Variants in KCNK2 observed in about 807,000 individuals in gnomAD.
KCNK2 encodes potassium channel subfamily K member 2.
In KCNK2, 21 loss-of-function variants were observed where a neutral mutation model predicts 40.5. That is an observed-to-expected ratio of 0.52 (90% CI 0.37 to 0.75). The LOEUF (loss-of-function observed/expected upper bound fraction) is 0.75. Ranked by LOEUF, KCNK2 falls within the 30% of genes least tolerant of loss-of-function variation. The pLI, the probability that KCNK2 is intolerant of heterozygous loss-of-function variation, is 0.00. For missense variants in KCNK2, 399 were observed against 531.6 expected (o/e 0.75, Z 2.45); for synonymous variants, 191 against 202.2 (o/e 0.94, Z 0.47).
intron 2 of KCNK2, among the ~76,000 whole-genome samples, chr1:215,110,057 T>C (rs868851882): frequency 6.6e-6 from 1 of 152,142 alleles, no homozygotes; most frequent in Non-Finnish European, 1.5e-5. Flanking sequence ...GCATATTTTT[T>C]AATGGGATTA....
chr1:215,045,608 G>A (rs1211530952), intron 1 of KCNK2, among the ~76,000 whole-genome samples: 1 of 152,060 alleles, frequency 6.6e-6, no homozygotes, highest in East Asian at 1.9e-4. Context: ...CCCTTGTTTG[G>A]TTTGATAGAC....
At chr1:215,168,842 AT>A (rs1663567385) in intron 3 of KCNK2, among the ~76,000 whole-genome samples, 1 of 152,206 alleles carries the variant, frequency 6.6e-6, no homozygotes, top group African/African-American at 2.4e-5. Flanking sequence ...ACATTCTGCA[AT>A]TGTATCCCAG....
chr1:215,158,074 C>T (rs1299122501), intron 3 of KCNK2, among the ~76,000 whole-genome samples: 1 of 152,134 alleles, frequency 6.6e-6, no homozygotes, highest in Non-Finnish European at 1.5e-5. Context: ...TCCTCCAAGA[C>T]ACAGATTCAG....
intron 2 of KCNK2, among the ~76,000 whole-genome samples, chr1:215,119,920 G>A (rs552108439): frequency 2.0e-5 from 3 of 152,144 alleles, no homozygotes; most frequent in African/African-American, 7.2e-5. Context: ...GAGATTCTTA[G>A]CTCTACGTCA....
intron 3 of KCNK2, among the ~76,000 whole-genome samples, chr1:215,138,360 G>A (rs1662021351): frequency 6.6e-6 from 1 of 151,984 alleles, no homozygotes; most frequent in South Asian, 2.1e-4. Context: ...ATGACATTCT[G>A]GTTTAAAAAA....
chr1:215,221,127 T>G, intron 6 of KCNK2, among the ~76,000 whole-genome samples: 1 of 152,232 alleles, frequency 6.6e-6, no homozygotes, highest in East Asian at 1.9e-4. Context: ...CCCAGCACTT[T>G]GAGAGGCCAA....
intron 3 of KCNK2, among the ~76,000 whole-genome samples, chr1:215,165,366 A>G (rs75283921): frequency 0.03 from 4,631 of 152,212 alleles, 138 homozygotes; most frequent in South Asian, 0.074. Context: ...AGCATACAGC[A>G]TGCTATTTTG....
chr1:215,209,431 A>ATAAAAT (rs562818509), intron 6 of KCNK2, among the ~76,000 whole-genome samples: 3 of 11,016 alleles, frequency 2.7e-4, no homozygotes, highest in Admixed American at 1.8e-3. Context: ...TAATATATAT[A>ATAAAAT]ATATAAAATA....
chr1:215,217,213 T>C (rs1025385285), intron 6 of KCNK2, among the ~76,000 whole-genome samples: 1 of 152,114 alleles, frequency 6.6e-6, no homozygotes, highest in Non-Finnish European at 1.5e-5. Flanking sequence ...TTTCAGAGGA[T>C]TGCTATAAAT....
intron 2 of KCNK2, among the ~76,000 whole-genome samples, chr1:215,090,486 G>A (rs1659646146): frequency 6.6e-6 from 1 of 152,108 alleles, no homozygotes; most frequent in African/African-American, 2.4e-5. Flanking sequence ...TGTACATATA[G>A]CATATCTTTC....
At chr1:215,153,008 T>C (rs1280899757) in intron 3 of KCNK2, among the ~76,000 whole-genome samples, 1 of 152,178 alleles carries the variant, frequency 6.6e-6, no homozygotes, top group African/African-American at 2.4e-5. Context: ...AACTTCCTAT[T>C]AGTCAAATAG....
intron 1 of KCNK2, among the ~76,000 whole-genome samples, chr1:215,036,549 A>G (rs1225680871): frequency 6.6e-6 from 1 of 151,862 alleles, no homozygotes; most frequent in Non-Finnish European, 1.5e-5. Flanking sequence ...TTTTAGAATC[A>G]GCTTGTCAGT....
chr1:215,108,959 A>G (rs184717153), intron 2 of KCNK2, among the ~76,000 whole-genome samples: 74 of 126,538 alleles, frequency 5.8e-4, no homozygotes, highest in Non-Finnish European at 9.3e-4. Context: ...ATAGTTTGCT[A>G]TTACCATTTT....
chr1:215,057,451 CATG>C (rs955630420), intron 1 of KCNK2, among the ~76,000 whole-genome samples: 2 of 152,076 alleles, frequency 1.3e-5, no homozygotes, highest in African/African-American at 4.8e-5. Flanking sequence ...GCAGGACCCA[CATG>C]GGTGACAGTG....
intron 2 of KCNK2, among the ~76,000 whole-genome samples, chr1:215,116,235 T>C (rs1355390867): frequency 6.6e-6 from 1 of 152,140 alleles, no homozygotes; most frequent in Admixed American, 6.6e-5. Flanking sequence ...GCTTATGTTA[T>C]ATGAAAAGAG....
intron 6 of KCNK2, among the ~76,000 whole-genome samples, chr1:215,224,253 G>T (rs1326227374): frequency 6.6e-6 from 1 of 152,036 alleles, no homozygotes; most frequent in African/African-American, 2.4e-5. Context: ...AATTCTAAGT[G>T]GGTAACCCCA....
At chr1:215,228,865 G>T (rs1666504106) in intron 6 of KCNK2, among the ~76,000 whole-genome samples, 1 of 152,066 alleles carries the variant, frequency 6.6e-6, no homozygotes, top group Non-Finnish European at 1.5e-5. Flanking sequence ...TAGAGTTTGA[G>T]TAGACAATTT....
intron 1 of KCNK2, among the ~76,000 whole-genome samples, chr1:215,020,835 G>A (rs545006870): frequency 1.5e-4 from 23 of 152,152 alleles, no homozygotes; most frequent in South Asian, 1.2e-3. Context: ...CTACATTCTC[G>A]CCATATACTG....
chr1:215,011,734 T>G (rs769840665), intron 1 of KCNK2, among the ~76,000 whole-genome samples: 36 of 152,186 alleles, frequency 2.4e-4, no homozygotes, highest in Non-Finnish European at 3.7e-4. Flanking sequence ...GCCTCCCGAG[T>G]AGCTGGGACT....
Sources: allele counts gnomAD v4.1 joint callset (sites outside exome capture counted in the v4.1 genomes callset), GRCh38; gene constraint gnomAD v4.1.1; transcripts MANE v1.5; gene names NCBI Gene and HGNC (gene_info 2026-07-23, HGNC 2026-07-21).